HIPK2: variants seen among roughly 807,000 people sequenced by gnomAD.
HIPK2 encodes the protein homeodomain-interacting protein kinase 2.
A neutral mutation model predicts 113.7 loss-of-function variants in HIPK2; 27 were observed. The ratio of observed to expected loss-of-function variants is 0.24; its 90% CI spans 0.17 to 0.33. HIPK2 has a LOEUF of 0.33. HIPK2 is among the 10% of genes least tolerant of loss of function. The probability of loss-of-function intolerance (pLI) is 1.00; values close to 1 mark genes in which losing one functional copy is unlikely to be tolerated. For synonymous variants in HIPK2, 631 were observed against 642.2 expected (o/e 0.98, Z 0.26); for missense variants, 1,257 against 1,588.0 (o/e 0.79, Z 3.54).
intron 12 of HIPK2, 40 bp from the exon 13 acceptor site, chr7:139,584,104 C>T (rs116267979): frequency 3.1e-5 from 48 of 1,546,546 alleles, no homozygotes; most frequent in Non-Finnish European, 3.9e-5. Flanking sequence ...GGGAGAAGGC[C>T]GTGAGGTGAG....
chr7:139,592,151 C>T (rs1799049088), intron 12 of HIPK2, among the ~76,000 whole-genome samples: 2 of 152,120 alleles, frequency 1.3e-5, no homozygotes, highest in Admixed American at 6.5e-5. Context: ...TATATATAAA[C>T]ATGTTAAGAG....
chr7:139,628,186 A>G (rs1038705310), intron 5 of HIPK2, among the ~76,000 whole-genome samples: 4 of 152,194 alleles, frequency 2.6e-5, no homozygotes, highest in African/African-American at 9.7e-5. Context: ...CTCTTCCCCT[A>G]TGGCCTTTAC....
chr7:139,705,624 G>A (rs1361030716), intron 2 of HIPK2, among the ~76,000 whole-genome samples: 3 of 151,938 alleles, frequency 2.0e-5, no homozygotes, highest in East Asian at 1.9e-4. Context: ...TGATCCGCCC[G>A]CCTCGGCCTC....
At chr7:139,693,552 C>T (rs1204024038) in intron 2 of HIPK2, among the ~76,000 whole-genome samples, 1 of 152,136 alleles carries the variant, frequency 6.6e-6, no homozygotes, top group Non-Finnish European at 1.5e-5. Context: ...TTTCCTCAGA[C>T]TCAATTTTCT....
At chr7:139,592,356 G>A (rs968811840) in intron 12 of HIPK2, among the ~76,000 whole-genome samples, 1 of 152,216 alleles carries the variant, frequency 6.6e-6, no homozygotes, top group African/African-American at 2.4e-5. Flanking sequence ...GTAACTGAAT[G>A]AGTGAATGCG....
chr7:139,768,736 G>C (rs1210868996), intron 1 of HIPK2, among the ~76,000 whole-genome samples: 2 of 152,088 alleles, frequency 1.3e-5, no homozygotes, highest in African/African-American at 4.8e-5. Flanking sequence ...ATGCCTCTGG[G>C]GAAAAAGGAA....
At chr7:139,729,685 G>C (rs905715899) in intron 1 of HIPK2, among the ~76,000 whole-genome samples, 1 of 152,138 alleles carries the variant, frequency 6.6e-6, no homozygotes, top group African/African-American at 2.4e-5. Context: ...GGATGAAAAA[G>C]GCAAACACCC....
chr7:139,714,191 G>A lies in HIPK2; in HGVS notation c.1103+1741C>T, dbSNP rs917036438. On this transcript the variant is annotated intron_variant, in intron 2 of 14. Coordinates refer to ENST00000406875, the MANE Select transcript of HIPK2 (RefSeq NM_022740.5). The surrounding 1 kb of genome is among the most constrained non-coding windows in gnomAD (Gnocchi z 4.2). ...CTGCGCATAGGAAATGAGCGGGAAA[G>A]GAATCCTCAGGGCAGGGCAGAGAAG... 6.6e-6 allele frequency among the ~76,000 whole-genome samples: 1 copy of A among 152,226 alleles called. No homozygotes were observed. Among genetic ancestry groups the A allele is most frequent in the African/African-American group, 2.4e-5 (1 of 41,458 alleles).
At chr7:139,651,759 A>T (rs1174683825) in intron 2 of HIPK2, among the ~76,000 whole-genome samples, 2 of 152,268 alleles carry the variant, frequency 1.3e-5, no homozygotes, top group African/African-American at 4.8e-5. Flanking sequence ...CTGCCCCAGA[A>T]GGGACTTCTT....
chr7:139,720,087 A>G (rs1397832327), intron 1 of HIPK2, among the ~76,000 whole-genome samples: 1 of 152,210 alleles, frequency 6.6e-6, no homozygotes, highest in East Asian at 1.9e-4. Flanking sequence ...ACTTGAATGA[A>G]GCTGGTCTAT....
Position 139,715,796 on chromosome 7 carries a change from G to C in HIPK2, c.1103+136C>G, listed in dbSNP as rs915925946. 7 of 1,246,188 alleles carry C rather than the reference G, an allele frequency of 5.6e-6. No individual in the cohort carries two copies. The South Asian group carries it at 1.1e-4, about 19-fold the overall frequency. 77.2% of individuals were successfully genotyped at this position (1,246,188 alleles called of 1,614,324 possible). On this transcript the variant is annotated intron_variant, in intron 2 of 14. Transcript: ENST00000406875. ...CGCAATGTGCACATGTCCTAATTTCGTAAGTACATTAAGATCACTTGAAGG... is the reference window on the plus strand; with the variant it reads ...CGCAATGTGCACATGTCCTAATTTCCTAAGTACATTAAGATCACTTGAAGG...
chr7:139,650,269 G>C lies in HIPK2; in HGVS notation c.1104-18544C>G, dbSNP rs141858789. Among the ~76,000 whole-genome samples, 48 of 146,696 alleles carry C rather than the reference G, an allele frequency of 3.3e-4. No individual in the cohort carries two copies. In the East Asian group the frequency reaches 8.2e-3, roughly 25 times the overall value. On this transcript the variant is annotated intron_variant, in intron 2 of 14. Transcript: ENST00000406875. Reference sequence around the variant, plus strand: ...GGAAGCTGAGGCAAGAGAATCGCTTGAACCCAGGAGGCAGAGGTTGCAGTG... The same window carrying C: ...GGAAGCTGAGGCAAGAGAATCGCTTCAACCCAGGAGGCAGAGGTTGCAGTG...
chr7:139,700,028 C>T (rs1299521797), intron 2 of HIPK2, among the ~76,000 whole-genome samples: 1 of 152,166 alleles, frequency 6.6e-6, no homozygotes, highest in South Asian at 2.1e-4. Flanking sequence ...TGCAGATATA[C>T]GACGTCTGTG....
At position 139,735,012 on chromosome 7, in the gene HIPK2, A is replaced by T. The variant is rs77534501; in HGVS notation, c.20-17997T>A. On this transcript the variant is annotated intron_variant, in intron 1 of 14. Transcript: ENST00000406875. The stretch of plus-strand genomic sequence containing the variant: ...CAACTTGGTATAACTATGATATGTC[A>T]TACCTAAATAAAGAGAGATGATGTT... Among the ~76,000 whole-genome samples the T allele has an allele frequency of 6.6e-3, 1,002 of 152,342 alleles. 33 individuals are homozygous for T. The highest frequency in any genetic ancestry group is 0.045 in the Admixed American group (691 of 15,300).
rs1798059922 is a variant in HIPK2 at position 139,565,349 on chromosome 7, A to G, written c.*7578T>C. On this transcript the variant is annotated 3_prime_UTR_variant, in exon 15 of 15. Coordinates refer to ENST00000406875, the MANE Select transcript of HIPK2 (RefSeq NM_022740.5). ...TAGAACTTGTGTAAACTACCTAAGA[A>G]TTTAGGCAAACAAGCCTGGAGCCAG... 1 of 152,232 alleles carries G rather than the reference A, an allele frequency of 6.6e-6. No homozygotes were observed. Among genetic ancestry groups the G allele is most frequent in the South Asian group, 2.1e-4 (1 of 4,836 alleles). 9.4% of individuals were successfully genotyped at this position (152,232 alleles called of 1,614,324 possible).
At chr7:139,666,405 A>G (rs1247858230) in intron 2 of HIPK2, among the ~76,000 whole-genome samples, 1 of 152,204 alleles carries the variant, frequency 6.6e-6, no homozygotes, top group African/African-American at 2.4e-5. Flanking sequence ...GGAACCATCA[A>G]GGGTCCTCTG....
chr7:139,699,111 G>A (rs1172291559), intron 2 of HIPK2, among the ~76,000 whole-genome samples: 1 of 152,016 alleles, frequency 6.6e-6, no homozygotes, highest in Non-Finnish European at 1.5e-5. Flanking sequence ...GCCGGCTGCC[G>A]ACGCACAGTA....
At chr7:139,648,554 A>T (rs1054728479) in intron 2 of HIPK2, among the ~76,000 whole-genome samples, 16 of 152,342 alleles carry the variant, frequency 1.1e-4, no homozygotes, top group African/African-American at 3.4e-4. Flanking sequence ...TCCCCCCGGG[A>T]TAGCATCAAT....
chr7:139,594,286 G>A (rs1395279874), intron 12 of HIPK2, among the ~76,000 whole-genome samples: 3 of 152,038 alleles, frequency 2.0e-5, no homozygotes, highest in Admixed American at 6.6e-5. Flanking sequence ...TATGTGTTTC[G>A]TCTTGTTTAT....
Sources: gnomAD v4.1 joint callset for allele counts (sites outside exome capture counted in the v4.1 genomes callset) on GRCh38, gnomAD v4.1.1 for gene constraint, Gnocchi (gnomAD v3.1) non-coding constraint, MANE v1.5 for transcripts, NCBI Gene and HGNC (gene_info 2026-07-23, HGNC 2026-07-21) for gene names.